Variants in LINS1 observed in about 807,000 individuals in gnomAD.
The protein encoded by LINS1 is protein Lines homolog 1.
In LINS1, 27 loss-of-function variants were observed where a neutral mutation model predicts 41.6. The observed-to-expected ratio is 0.65, with a 90% CI of 0.48 to 0.89. The LOEUF is 0.89. Ranked by LOEUF, LINS1 falls within the 40% of genes least tolerant of loss-of-function variation. The probability of loss-of-function intolerance (pLI) is 0.00; values close to 1 mark genes in which losing one functional copy is unlikely to be tolerated. For synonymous variants in LINS1, 336 were observed against 312.9 expected (o/e 1.07, Z -0.78); for missense variants, 955 against 884.1 (o/e 1.08, Z -1.02).
At chr15:100,574,632 C>T (rs1387615495) in intron 4 of LINS1, among the ~76,000 whole-genome samples, 2 of 152,136 alleles carry the variant, frequency 1.3e-5, no homozygotes, top group Non-Finnish European at 2.9e-5. Flanking sequence ...CACTTGAACT[C>T]GCAAGGCAGG....
Position 100,569,683 on chromosome 15 carries a change from T to C in LINS1, c.1829A>G (p.His610Arg), listed in dbSNP as rs906361374. The change falls in exon 7 of 7, where the codon CAC becomes CGC. Residue 610 changes from histidine to arginine, a missense_variant. Transcript: ENST00000314742. ...AGACAGACTAGAAGCACACATGGTG[T>C]GAGCCCCCTTGGACATCACAGCTTT... ...PLKAVMSKGAHTMCASSLSSP... is the reference protein window; with the variant it reads ...PLKAVMSKGARTMCASSLSSP... The C allele has an allele frequency of 3.7e-6, 6 of 1,613,782 alleles. No homozygotes were observed. In the African/African-American group the frequency reaches 4.0e-5, roughly 11 times the overall value.
chr15:100,601,246 A>T (rs1303132575), intron 1 of LINS1, among the ~76,000 whole-genome samples: 1 of 152,190 alleles, frequency 6.6e-6, no homozygotes, highest in African/African-American at 2.4e-5. Context: ...TAATTTATAA[A>T]GAAAAGTAAT....
intron 1 of LINS1, among the ~76,000 whole-genome samples, chr15:100,585,650 G>C (rs1332126563): frequency 2.0e-5 from 3 of 152,102 alleles, no homozygotes; most frequent in African/African-American, 7.2e-5. Context: ...CCAAGCTATT[G>C]GATCTTCGTT....
Position 100,580,489 on chromosome 15 carries a change from A to G in LINS1, c.354T>C (p.Asp118=). The change falls in exon 2 of 7, where the codon GAT becomes GAC. Residue 118 remains aspartate (D), a synonymous_variant. Transcript: ENST00000314742. ...CTGATTCTAAGAGAATTTTAATTAC[A>G]TCTCTGTACTGCTCCTTTGCATGGA... is the stretch of plus-strand genomic sequence containing the variant. ...TEFHAKEQYR[D]VIKILLESAK... is the part of the protein sequence containing the mutation. 3 of 1,614,002 alleles carry G rather than the reference A, an allele frequency of 1.9e-6. No homozygotes were observed. Among genetic ancestry groups the G allele is most frequent in the Non-Finnish European group, 2.5e-6 (3 of 1,179,940 alleles).
At position 100,580,210 on chromosome 15, in the gene LINS1, T is replaced by A. The variant is rs2038451941; in HGVS notation, c.489+53A>T. 10 of 1,361,642 alleles carry A rather than the reference T, an allele frequency of 7.3e-6. No homozygotes were observed. The Admixed American group carries it at 1.9e-4, about 26-fold the overall frequency. 84.3% of individuals were successfully genotyped at this position (1,361,642 alleles called of 1,614,324 possible). On this transcript the variant is annotated intron_variant, in intron 3 of 6. Transcript: ENST00000314742. ...CCTTGTCTCCACAAAACATTTAAATTTAAAAAAAATTAAGAAAGAGAAATA... is the reference window on the plus strand; with the variant it reads ...CCTTGTCTCCACAAAACATTTAAATATAAAAAAAATTAAGAAAGAGAAATA...
chr15:100,580,604 G>C lies in LINS1; in HGVS notation c.239C>G (p.Ser80Cys), dbSNP rs2038484369. The C allele has an allele frequency of 6.2e-7, 1 of 1,614,026 alleles. No individual in the cohort carries two copies. The highest frequency in any genetic ancestry group is 8.5e-7 in the Non-Finnish European group (1 of 1,179,962). The change falls in exon 2 of 7, where the codon TCT (serine) becomes TGT (cysteine). Residue 80 changes from serine to cysteine, a missense_variant. Transcript: ENST00000314742. ...TACTTCTCTGGAACCGCTCATCTGAGAGTTGGTCTTCAAACACACAGGTGC... is the reference window on the plus strand; with the variant it reads ...TACTTCTCTGGAACCGCTCATCTGACAGTTGGTCTTCAAACACACAGGTGC... The part of the protein sequence containing the change: ...AVAPVCLKTN[S>C]QMSGSREVML...
At chr15:100,600,564 AAAAAAAAC>A (rs1249854824) in intron 1 of LINS1, among the ~76,000 whole-genome samples, 1 of 147,188 alleles carries the variant, frequency 6.8e-6, no homozygotes. Flanking sequence ...AAAAAAAAAA[AAAAAAAAC>A]AGGGAGAAAT....
intron 1 of LINS1, among the ~76,000 whole-genome samples, chr15:100,601,095 C>T (rs74408640): frequency 0.011 from 1,624 of 152,312 alleles, 31 homozygotes; most frequent in African/African-American, 0.037. Flanking sequence ...ATTCTCTCTG[C>T]TGGCAAAATT....
chr15:100,575,290 C>T (rs1022414182), intron 3 of LINS1, among the ~76,000 whole-genome samples, 162 bp from the exon 4 acceptor site: 6 of 150,996 alleles, frequency 4.0e-5, no homozygotes, highest in Admixed American at 6.6e-5. Flanking sequence ...GTAAAAAAAT[C>T]GAATATGCCA....
chr15:100,570,186 A>C, intron 6 of LINS1, 69 bp from the exon 7 acceptor site: 1 of 1,222,326 alleles, frequency 8.2e-7, no homozygotes, highest in Non-Finnish European at 1.2e-6. Context: ...ACCAGATATA[A>C]TTCACATACC....
At chr15:100,575,962 T>A (rs1368571518) in intron 3 of LINS1, among the ~76,000 whole-genome samples, 1 of 152,226 alleles carries the variant, frequency 6.6e-6, no homozygotes, top group Non-Finnish European at 1.5e-5. Context: ...AATAAAGATG[T>A]TCTTTGAAAC....
At chr15:100,578,544 G>C (rs570834540) in intron 3 of LINS1, among the ~76,000 whole-genome samples, 2 of 151,936 alleles carry the variant, frequency 1.3e-5, no homozygotes, top group Non-Finnish European at 2.9e-5. Flanking sequence ...GGAGAGGATG[G>C]GGAAAAATAG....
chr15:100,590,089 A>C (rs1287734550), intron 1 of LINS1, among the ~76,000 whole-genome samples: 1 of 152,144 alleles, frequency 6.6e-6, no homozygotes, highest in East Asian at 1.9e-4. Context: ...AGGAACCCTT[A>C]AGGTAAAGCT....
intron 3 of LINS1, among the ~76,000 whole-genome samples, chr15:100,578,186 A>G (rs540330443): frequency 6.6e-6 from 1 of 152,276 alleles, no homozygotes; most frequent in African/African-American, 2.4e-5. Flanking sequence ...GATCTAATTA[A>G]ACTAAAGAGC....
chr15:100,598,418 G>T (rs1365012646), intron 1 of LINS1, among the ~76,000 whole-genome samples: 1 of 152,160 alleles, frequency 6.6e-6, no homozygotes, highest in East Asian at 1.9e-4. Context: ...TAAAAATGTA[G>T]TATCAAAGAA....
At chr15:100,581,700 G>T (rs2038553271) in intron 1 of LINS1, among the ~76,000 whole-genome samples, 1 of 152,176 alleles carries the variant, frequency 6.6e-6, no homozygotes, top group Admixed American at 6.5e-5. Flanking sequence ...GGGAAGGAGG[G>T]GGGTTTTGCT....
rs970944779 is a variant in LINS1 at position 100,574,307 on chromosome 15, A to G, written c.632-66T>C. On this transcript the variant is annotated intron_variant, in intron 4 of 6. Coordinates refer to ENST00000314742, the MANE Select transcript of LINS1 (RefSeq NM_001040616.3). ...TCTTCTTCAAACAATTTTACAATTCACTTTTTATAAATATCACTTTTTAAG... is the reference window on the plus strand; with the variant it reads ...TCTTCTTCAAACAATTTTACAATTCGCTTTTTATAAATATCACTTTTTAAG... 1.0e-5 allele frequency: 11 copies of G among 1,049,520 alleles called. No homozygotes were observed. The African/African-American group carries it at 1.4e-4, about 14-fold the overall frequency. The allele number at this position is 1,049,520 out of a possible 1,614,324, so 65.0% of individuals were successfully genotyped here.
At chr15:100,571,822 G>T in intron 6 of LINS1, 72 bp downstream of exon 6, 1 of 1,549,826 alleles carries the variant, frequency 6.5e-7, no homozygotes, top group Non-Finnish European at 8.9e-7. Flanking sequence ...AACACGCCCA[G>T]CACATTCTCA....
chr15:100,570,275 C>T (rs2037752046), intron 6 of LINS1, 158 bp from the exon 7 acceptor site: 1 of 559,706 alleles, frequency 1.8e-6, no homozygotes, highest in African/African-American at 1.9e-5. Flanking sequence ...ATTCCCTTCC[C>T]CATAAGCTCT....
Sources: allele counts gnomAD v4.1 joint callset (sites outside exome capture counted in the v4.1 genomes callset), GRCh38; gene constraint gnomAD v4.1.1; transcripts MANE v1.5; gene names NCBI Gene and HGNC (gene_info 2026-07-23, HGNC 2026-07-21).